Variants in ZNF398 observed in about 807,000 individuals in gnomAD.
ZNF398 encodes the protein zinc finger protein 398.
In ZNF398, 18 loss-of-function variants were observed where a neutral mutation model predicts 41.9. The ratio of observed to expected loss-of-function variants is 0.43; its 90% confidence interval spans 0.30 to 0.64. ZNF398 has a LOEUF of 0.64. ZNF398 is among the 30% of genes least tolerant of loss of function. The pLI is 0.14. For missense variants in ZNF398, 669 were observed against 822.8 expected, an observed-to-expected ratio of 0.81 and a Z score of 2.29; for synonymous variants, 260 against 308.8, an observed-to-expected ratio of 0.84 and a Z score of 1.66.
intron 2 of ZNF398, among the ~76,000 whole-genome samples, chr7:149,135,560 C>A (rs2158633): frequency 1.3e-5 from 2 of 151,702 alleles, no homozygotes; most frequent in African/African-American, 2.4e-5. Context: ...GATGCTGCTG[C>A]GTACACTGCT....
At chr7:149,146,655 C>G (rs1826949257), upstream of ZNF398, among the ~76,000 whole-genome samples, 1 of 151,866 alleles carries the variant, frequency 6.6e-6, no homozygotes, top group Admixed American at 6.6e-5. Flanking sequence ...TTCAGACCAG[C>G]CTGGCCAACA....
In ZNF398 at chr7:149,180,043, A is replaced by G. The variant is rs1795558286; in HGVS notation, c.*242A>G. 1 of 418,246 alleles carries G rather than the reference A, an allele frequency of 2.4e-6. No individual in the cohort carries two copies. Among genetic ancestry groups the G allele is most frequent in the Admixed American group, 4.0e-5 (1 of 24,802 alleles). 25.9% of individuals were successfully genotyped at this position (418,246 alleles called of 1,614,324 possible). On this transcript the variant is annotated 3_prime_UTR_variant, in exon 6 of 6. Transcript: ENST00000475153. ...GAGCCCAGCATGTCCATCTTTTCAA[A>G]GATACAACAAAAGCAGAAGTTACAA...
At chr7:149,169,316 C>T (rs1795283482) in intron 4 of ZNF398, among the ~76,000 whole-genome samples, 1 of 152,014 alleles carries the variant, frequency 6.6e-6, no homozygotes, top group African/African-American at 2.4e-5. Flanking sequence ...AACTCCTGAC[C>T]TCAGGTGACC....
chr7:149,173,474 C>T (rs1214206761), intron 4 of ZNF398, among the ~76,000 whole-genome samples: 1 of 152,048 alleles, frequency 6.6e-6, no homozygotes, highest in Non-Finnish European at 1.5e-5. Context: ...TGCATTGATG[C>T]TGAAATAAAT....
chr7:149,131,756 G>A (rs1826599923), intron 2 of ZNF398, among the ~76,000 whole-genome samples: 1 of 152,096 alleles, frequency 6.6e-6, no homozygotes, highest in Non-Finnish European at 1.5e-5. Flanking sequence ...CCATAATCCA[G>A]CTTTGGAAAC....
chr7:149,166,113 C>G, intron 2 of ZNF398, 45 bp from the exon 3 acceptor site: 1 of 1,546,440 alleles, frequency 6.5e-7, no homozygotes, highest in Non-Finnish European at 8.7e-7. Context: ...TATTGAATGA[C>G]TGAATTATAA....
intron 2 of ZNF398, among the ~76,000 whole-genome samples, chr7:149,132,532 C>A (rs571502142): frequency 1.2e-4 from 18 of 152,078 alleles, no homozygotes; most frequent in African/African-American, 3.9e-4. Flanking sequence ...AGAGAGGCAC[C>A]CGTATGGGAC....
At chr7:149,136,868 T>A (rs956290041) in intron 2 of ZNF398, among the ~76,000 whole-genome samples, 1 of 126,448 alleles carries the variant, frequency 7.9e-6, no homozygotes, top group Non-Finnish European at 1.7e-5. Flanking sequence ...GCGCTGGGCC[T>A]TTTTTTTTTT....
intron 2 of ZNF398, among the ~76,000 whole-genome samples, chr7:149,163,096 C>G (rs2129520931): frequency 6.6e-6 from 1 of 152,316 alleles, no homozygotes; most frequent in African/African-American, 2.4e-5. Flanking sequence ...GGCTGAGATG[C>G]AGTTACAGTC....
At chr7:149,168,926 T>C (rs1795277500) in intron 4 of ZNF398, among the ~76,000 whole-genome samples, 2 of 152,208 alleles carry the variant, frequency 1.3e-5, no homozygotes, top group Non-Finnish European at 2.9e-5. Context: ...CTAATCTTTA[T>C]ATCACAGATA....
At chr7:149,133,689 G>GTA (rs1236595957) in intron 2 of ZNF398, among the ~76,000 whole-genome samples, 2 of 36,660 alleles carry the variant, frequency 5.5e-5, no homozygotes, top group Non-Finnish European at 1.1e-4. Context: ...ACATATATAT[G>GTA]TGTGTATATA....
intron 1 of ZNF398, among the ~76,000 whole-genome samples, chr7:149,127,461 CT>C (rs777740084): frequency 3.4e-5 from 5 of 145,390 alleles, no homozygotes; most frequent in Non-Finnish European, 7.4e-5. Flanking sequence ...AATCCCAGCA[CT>C]TTGGGAGGCG....
intron 1 of ZNF398, chr7:149,151,295 G>A (rs1827107914): frequency 1.6e-6 from 2 of 1,229,430 alleles, no homozygotes; most frequent in Non-Finnish European, 2.1e-6. Flanking sequence ...GAGGCAGAAA[G>A]ACATGAGAGA....
chr7:149,162,132 T>C (rs1434732518), intron 2 of ZNF398, among the ~76,000 whole-genome samples: 1 of 151,966 alleles, frequency 6.6e-6, no homozygotes, highest in Non-Finnish European at 1.5e-5. Context: ...AGTGAGACTC[T>C]TGACTCAGCC....
chr7:149,161,808 C>CA (rs36116852), intron 2 of ZNF398, among the ~76,000 whole-genome samples: 1,800 of 116,590 alleles, frequency 0.015, 24 homozygotes, highest in African/African-American at 0.034. Context: ...TAATTAACTC[C>CA]AAAAAAAAAA....
intron 2 of ZNF398, among the ~76,000 whole-genome samples, chr7:149,134,294 G>A (rs1025048635): frequency 6.6e-6 from 1 of 151,700 alleles, no homozygotes; most frequent in African/African-American, 2.4e-5. Flanking sequence ...ATGTTGGCCA[G>A]GCTGGTCTTG....
intron 1 of ZNF398, among the ~76,000 whole-genome samples, chr7:149,149,352 G>C (rs1827052774): frequency 6.6e-6 from 1 of 151,992 alleles, no homozygotes; most frequent in African/African-American, 2.4e-5. Flanking sequence ...TCCTGCCTCA[G>C]CCTCCCGAGT....
upstream of ZNF398, chr7:149,147,400 G>T (rs1426709952): frequency 5.9e-6 from 1 of 169,200 alleles, no homozygotes; most frequent in African/African-American, 2.4e-5. This position sits in a 1 kb window ranked among gnomAD's most constrained non-coding sequence, Gnocchi z 5.6. Context: ...CGCTGGCCGC[G>T]GTGGCTGGGC....
At chr7:149,177,529 A>G (rs1052792899) in intron 5 of ZNF398, among the ~76,000 whole-genome samples, 1 of 152,224 alleles carries the variant, frequency 6.6e-6, no homozygotes. Flanking sequence ...AAAGATTGGT[A>G]TGATATGGCT....
Sources: gnomAD v4.1 joint callset for allele counts (sites outside exome capture counted in the v4.1 genomes callset) on GRCh38, gnomAD v4.1.1 for gene constraint, Gnocchi (gnomAD v3.1) non-coding constraint, MANE v1.5 for transcripts, NCBI Gene and HGNC (gene_info 2026-07-23, HGNC 2026-07-21) for gene names.